Variants in PAK5 observed in about 807,000 individuals in gnomAD.
PAK5 encodes the protein p21 (RAC1) activated kinase 5, also known as serine/threonine-protein kinase PAK 5.
Under a neutral mutation model 65.9 loss-of-function variants are expected in PAK5, and 16 were observed. The observed-to-expected ratio is 0.24, with a 90% CI of 0.16 to 0.37. PAK5 has a LOEUF of 0.37. Ranked by LOEUF, PAK5 falls within the 10% of genes least tolerant of loss-of-function variation. The pLI, the probability that PAK5 is intolerant of heterozygous loss-of-function variation, is 1.00. For missense variants in PAK5, 785 were observed against 903.9 expected, an observed-to-expected ratio of 0.87 and a Z score of 1.69; for synonymous variants, 371 against 354.9, an observed-to-expected ratio of 1.05 and a Z score of -0.51.
At chr20:9,787,757 G>T (rs570539201) in intron 1 of PAK5, among the ~76,000 whole-genome samples, 1 of 152,002 alleles carries the variant, frequency 6.6e-6, no homozygotes, top group East Asian at 1.9e-4. Flanking sequence ...GAATAGATAT[G>T]CAGTAGACAC....
intron 2 of PAK5, among the ~76,000 whole-genome samples, chr20:9,697,783 T>C (rs1569045868): frequency 6.6e-6 from 1 of 152,102 alleles, no homozygotes; most frequent in Non-Finnish European, 1.5e-5. Flanking sequence ...TTTTAGACAA[T>C]ACTTCTTGTC....
chr20:9,830,153 C>T (rs1475425829), intron 1 of PAK5, among the ~76,000 whole-genome samples: 1 of 152,158 alleles, frequency 6.6e-6, no homozygotes, highest in Non-Finnish European at 1.5e-5. Flanking sequence ...AGTAGCAGAG[C>T]CCTCTAATAT....
chr20:9,752,199 C>G (rs1451801902), intron 1 of PAK5, among the ~76,000 whole-genome samples: 2 of 151,984 alleles, frequency 1.3e-5, no homozygotes, highest in African/African-American at 4.8e-5. Context: ...AAGCCACAAG[C>G]CAGAGGCAGG....
chr20:9,659,390 A>G (rs2047313290), intron 2 of PAK5, among the ~76,000 whole-genome samples: 1 of 152,214 alleles, frequency 6.6e-6, no homozygotes, highest in African/African-American at 2.4e-5. Context: ...TGAGGGTCAT[A>G]TGCTAGCACC....
intron 2 of PAK5, among the ~76,000 whole-genome samples, chr20:9,655,546 T>G (rs972758682): frequency 4.6e-5 from 7 of 152,192 alleles, no homozygotes; most frequent in African/African-American, 1.7e-4. Context: ...TAAAATGGAA[T>G]GTACTATAAT....
At chr20:9,583,021 C>T (rs1466473703) in intron 3 of PAK5, among the ~76,000 whole-genome samples, 1 of 152,094 alleles carries the variant, frequency 6.6e-6, no homozygotes, top group Non-Finnish European at 1.5e-5. Context: ...CTGCCCTTCC[C>T]CCCAAATCAG....
intron 3 of PAK5, among the ~76,000 whole-genome samples, chr20:9,610,642 C>T (rs1294071973): frequency 6.6e-6 from 1 of 152,208 alleles, no homozygotes; most frequent in African/African-American, 2.4e-5. Context: ...GTAGCAGACT[C>T]TGTTGACAGG....
chr20:9,636,441 G>A (rs1013235738), intron 3 of PAK5, among the ~76,000 whole-genome samples: 1 of 152,234 alleles, frequency 6.6e-6, no homozygotes, highest in East Asian at 1.9e-4. Flanking sequence ...TTTTAAAGCA[G>A]TACTCAGCAG....
chr20:9,769,811 C>T (rs935383464), intron 1 of PAK5, among the ~76,000 whole-genome samples: 1 of 152,172 alleles, frequency 6.6e-6, no homozygotes, highest in Non-Finnish European at 1.5e-5. Context: ...AAACCACCAA[C>T]CAGCCATTCT....
intron 1 of PAK5, among the ~76,000 whole-genome samples, chr20:9,833,770 C>T (rs892843106): frequency 6.6e-6 from 1 of 152,104 alleles, no homozygotes; most frequent in African/African-American, 2.4e-5. Context: ...CATCTTTCTA[C>T]CAAAGCATAA....
chr20:9,561,399 T>C (rs866083840), intron 6 of PAK5, among the ~76,000 whole-genome samples: 4 of 152,236 alleles, frequency 2.6e-5, no homozygotes, highest in Non-Finnish European at 5.9e-5. Flanking sequence ...AAAAAATGTA[T>C]ATCACATTTG....
intron 1 of PAK5, among the ~76,000 whole-genome samples, chr20:9,741,958 C>T (rs967879242): frequency 6.6e-6 from 1 of 152,114 alleles, no homozygotes; most frequent in Non-Finnish European, 1.5e-5. Context: ...ACTCAGGGAT[C>T]TTGCCTTTGT....
intron 3 of PAK5, among the ~76,000 whole-genome samples, chr20:9,618,580 T>A (rs796199993): frequency 1.1e-4 from 16 of 151,372 alleles, no homozygotes; most frequent in African/African-American, 3.4e-4. Flanking sequence ...CTAATTTTTT[T>A]TTTTTTGTAT....
intron 2 of PAK5, among the ~76,000 whole-genome samples, chr20:9,690,750 CTTT>C (rs112955560): frequency 0.048 from 4,946 of 103,856 alleles, 311 homozygotes; most frequent in African/African-American, 0.18. Flanking sequence ...TTCTTTCTTT[CTTT>C]TTTTTTTTTT....
chr20:9,782,998 C>T (rs148525637), intron 1 of PAK5, among the ~76,000 whole-genome samples: 2,978 of 148,740 alleles, frequency 0.02, 95 homozygotes, highest in African/African-American at 0.069. Context: ...GGCATGATGT[C>T]GGCTCACCAC....
At chr20:9,753,071 T>C (rs1426767317) in intron 1 of PAK5, among the ~76,000 whole-genome samples, 2 of 152,120 alleles carry the variant, frequency 1.3e-5, no homozygotes, top group Non-Finnish European at 2.9e-5. Flanking sequence ...AACCCCAAGC[T>C]GATCTCCAGC....
intron 2 of PAK5, among the ~76,000 whole-genome samples, chr20:9,705,970 G>T (rs2048001355): frequency 6.6e-6 from 1 of 152,058 alleles, no homozygotes; most frequent in African/African-American, 2.4e-5. Context: ...CTCCACACTT[G>T]CAACACAGAC....
chr20:9,728,027 C>T (rs982847609), intron 1 of PAK5, among the ~76,000 whole-genome samples: 2 of 131,480 alleles, frequency 1.5e-5, no homozygotes, highest in African/African-American at 2.8e-5. Flanking sequence ...TGTATGTGTC[C>T]CCCCAAAAAT....
chr20:9,838,009 C>A lies in PAK5; in HGVS notation c.-162+753G>T, dbSNP rs2123799494. On this transcript the variant is annotated intron_variant, in intron 1 of 9. Coordinates refer to ENST00000353224, the MANE Select transcript of PAK5 (RefSeq NM_177990.4). This position sits in a 1 kb window ranked among gnomAD's most constrained non-coding sequence, Gnocchi z 4.5. ...TTTCAAGAAGGGCGATCGCGCTTATCCTCCAAACTGAGCAGTGATGATCCC... is the reference window on the plus strand; with the variant it reads ...TTTCAAGAAGGGCGATCGCGCTTATACTCCAAACTGAGCAGTGATGATCCC... 6.6e-6 allele frequency among the ~76,000 whole-genome samples: 1 copy of A among 152,298 alleles called. No homozygotes were observed. The highest frequency in any genetic ancestry group is 2.1e-4 in the South Asian group (1 of 4,828).
Sources: gnomAD v4.1 joint callset for allele counts (sites outside exome capture counted in the v4.1 genomes callset) on GRCh38, gnomAD v4.1.1 for gene constraint, Gnocchi (gnomAD v3.1) non-coding constraint, MANE v1.5 for transcripts, NCBI Gene and HGNC (gene_info 2026-07-23, HGNC 2026-07-21) for gene names.